FYN: variants seen among roughly 807,000 people sequenced by gnomAD.
The protein encoded by FYN is FYN proto-oncogene, Src family tyrosine kinase.
In FYN, 10 loss-of-function variants were observed where a neutral mutation model predicts 70.2. That is an observed-to-expected ratio of 0.14 (90% CI 0.09 to 0.24). FYN has a LOEUF of 0.24. Among genes scored for constraint, FYN ranks in the 10% least tolerant of loss-of-function variants. FYN has a pLI of 1.00. For synonymous variants in FYN, 236 were observed against 248.6 expected (o/e 0.95, Z 0.48); for missense variants, 319 against 673.1 (o/e 0.47, Z 5.82).
At chr6:111,813,413 A>G (rs187905291) in intron 2 of FYN, among the ~76,000 whole-genome samples, 1 of 152,382 alleles carries the variant, frequency 6.6e-6, no homozygotes, top group African/African-American at 2.4e-5. Flanking sequence ...ATCATACTGC[A>G]CTAGCCTCAT....
At chr6:111,686,914 G>A (rs566653651) in intron 12 of FYN, among the ~76,000 whole-genome samples, 3 of 152,192 alleles carry the variant, frequency 2.0e-5, no homozygotes, top group Admixed American at 2.0e-4. Flanking sequence ...GTAATACAAA[G>A]GAAGGACAGG....
intron 12 of FYN, among the ~76,000 whole-genome samples, chr6:111,689,810 G>A (rs933953759): frequency 2.0e-5 from 3 of 152,182 alleles, no homozygotes; most frequent in African/African-American, 7.2e-5. Flanking sequence ...GTCTTCTGGA[G>A]TGCTGGAGGT....
At chr6:111,751,182 T>C (rs1583405293) in intron 3 of FYN, among the ~76,000 whole-genome samples, 4 of 152,340 alleles carry the variant, frequency 2.6e-5, no homozygotes, top group Admixed American at 2.6e-4. Flanking sequence ...ACAGAACTTC[T>C]GGGAAACATA....
At chr6:111,700,761 A>G (rs145722864) in intron 8 of FYN, among the ~76,000 whole-genome samples, 30 of 152,320 alleles carry the variant, frequency 2.0e-4, no homozygotes, top group Non-Finnish European at 1.0e-4. Context: ...TATCTAGATT[A>G]CCCAGGGGAT....
chr6:111,661,674 T>C lies in FYN; in HGVS notation c.*65A>G. 1 of 1,472,130 alleles carries C rather than the reference T, an allele frequency of 6.8e-7. No individual in the cohort carries two copies. Among genetic ancestry groups the C allele is most frequent in the Non-Finnish European group, 9.3e-7 (1 of 1,073,242 alleles). The allele number at this position is 1,472,130 out of a possible 1,614,324, so 91.2% of individuals were successfully genotyped here. A position where few individuals can be genotyped will look rare whatever the true frequency, so the allele number is the denominator to read the frequency against. On this transcript the variant is annotated 3_prime_UTR_variant, in exon 14 of 14. Transcript: ENST00000354650. The surrounding 1 kb of genome is among the most constrained non-coding windows in gnomAD (Gnocchi z 4.0). ...TGCTGGGGAGCAGCTGGCTACGGAA[T>C]TGAAAGCTAATGGGGAGGGGTGGGG... is the stretch of plus-strand genomic sequence containing the variant.
At chr6:111,686,900 C>T (rs545779490) in intron 12 of FYN, among the ~76,000 whole-genome samples, 5 of 152,240 alleles carry the variant, frequency 3.3e-5, no homozygotes, top group Middle Eastern at 6.8e-3. Flanking sequence ...AATCCCCAGT[C>T]GTTGTAATAC....
intron 5 of FYN, among the ~76,000 whole-genome samples, chr6:111,709,549 A>T (rs1800269379): frequency 6.6e-6 from 1 of 152,234 alleles, no homozygotes; most frequent in Non-Finnish European, 1.5e-5. Flanking sequence ...TTAAAACCTT[A>T]TGCTTTAATT....
intron 3 of FYN, among the ~76,000 whole-genome samples, chr6:111,767,675 C>T (rs576276395): frequency 6.6e-6 from 1 of 152,342 alleles, no homozygotes; most frequent in African/African-American, 2.4e-5. Flanking sequence ...GCTGGGATTA[C>T]AGGCATGGGT....
Position 111,717,110 on chromosome 6 carries a change from A to G in FYN, c.248-2667T>C, listed in dbSNP as rs1800684262. Among the ~76,000 whole-genome samples, 5 of 151,914 alleles carry G rather than the reference A, an allele frequency of 3.3e-5. 1 individual carries two copies. In the South Asian group the frequency reaches 1.0e-3, roughly 32 times the overall value. ...AGATTTAATTTTTTATTTTTGTTTT[A>G]CTAGTGCCACAGACTTGCCAGTGGT... On this transcript the variant is annotated intron_variant, in intron 4 of 13. Coordinates refer to ENST00000354650, the MANE Select transcript of FYN (RefSeq NM_002037.5).
intron 1 of FYN, among the ~76,000 whole-genome samples, chr6:111,851,190 G>A (rs996492114): frequency 6.6e-6 from 1 of 152,214 alleles, no homozygotes; most frequent in African/African-American, 2.4e-5. Flanking sequence ...GGCTGGGGAA[G>A]GCCCTGGTGT....
intron 12 of FYN, among the ~76,000 whole-genome samples, chr6:111,678,151 G>GTGTGTGTGT (rs1798629188): frequency 9.5e-6 from 1 of 104,776 alleles, no homozygotes; most frequent in African/African-American, 5.2e-5. Flanking sequence ...TGTGTGTGTG[G>GTGTGTGTGT]TGTGTGTACT....
intron 3 of FYN, among the ~76,000 whole-genome samples, chr6:111,777,697 T>G (rs1201723364): frequency 6.6e-6 from 1 of 152,230 alleles, no homozygotes; most frequent in Non-Finnish European, 1.5e-5. Flanking sequence ...ATATCATTCC[T>G]TGGCATGGCC....
intron 2 of FYN, among the ~76,000 whole-genome samples, chr6:111,801,888 AG>A (rs1298889819): frequency 6.6e-6 from 1 of 152,256 alleles, no homozygotes; most frequent in Non-Finnish European, 1.5e-5. Flanking sequence ...CACCAGGGGA[AG>A]ATCTCTGTGT....
At chr6:111,870,905 TCAAA>T (rs1774252085) in intron 1 of FYN, among the ~76,000 whole-genome samples, 1 of 152,218 alleles carries the variant, frequency 6.6e-6, no homozygotes, top group South Asian at 2.1e-4. Context: ...GGGTCTGGCA[TCAAA>T]CAAACGACCC....
chr6:111,662,000 C>T lies in FYN; in HGVS notation c.1406-53G>A, dbSNP rs188746396. The T allele has an allele frequency of 1.3e-5, 19 of 1,436,820 alleles. No homozygotes were observed. The highest frequency in any genetic ancestry group is 2.3e-4 in the Middle Eastern group (1 of 4,304). The allele number at this position is 1,436,820 out of a possible 1,614,324, so 89.0% of individuals were successfully genotyped here. ...GCACCCCGGGGATCCAGGCCCTGAC[C>T]GCCGCACTTGCAGATCCCCTTTCTT... On this transcript the variant is annotated intron_variant, in intron 13 of 13. Transcript: ENST00000354650. This position sits in a 1 kb window ranked among gnomAD's most constrained non-coding sequence, Gnocchi z 4.0.
intron 1 of FYN, among the ~76,000 whole-genome samples, chr6:111,855,905 T>C (rs1773812706): frequency 6.6e-6 from 1 of 152,212 alleles, no homozygotes; most frequent in African/African-American, 2.4e-5. Flanking sequence ...GAGAACTCAG[T>C]GTTCAAGATT....
intron 3 of FYN, among the ~76,000 whole-genome samples, chr6:111,727,747 C>T (rs9400495): frequency 0.13 from 19,181 of 152,104 alleles, 2,342 homozygotes; most frequent in African/African-American, 0.31. Context: ...TCTCTCATAC[C>T]GCACAGCAAG....
chr6:111,795,568 C>G (rs1447044699), intron 2 of FYN, among the ~76,000 whole-genome samples: 1 of 152,096 alleles, frequency 6.6e-6, no homozygotes, highest in African/African-American at 2.4e-5. Context: ...GTGATATAAA[C>G]ATGTATTAAA....
chr6:111,821,158 A>C (rs1772646402), intron 2 of FYN, among the ~76,000 whole-genome samples: 1 of 152,114 alleles, frequency 6.6e-6, no homozygotes, highest in African/African-American at 2.4e-5. Flanking sequence ...GGAACCAAAA[A>C]AGAGCCCGCA....
Sources: gnomAD v4.1 joint callset for allele counts (sites outside exome capture counted in the v4.1 genomes callset) on GRCh38, gnomAD v4.1.1 for gene constraint, Gnocchi (gnomAD v3.1) non-coding constraint, MANE v1.5 for transcripts, NCBI Gene and HGNC (gene_info 2026-07-23, HGNC 2026-07-21) for gene names.